ARMC2: variants seen among roughly 807,000 people sequenced by gnomAD.
The protein encoded by ARMC2 is armadillo repeat containing 2.
Under a neutral mutation model 90.3 loss-of-function variants are expected in ARMC2, and 67 were observed. The observed-to-expected ratio is 0.74, with a 90% confidence interval of 0.61 to 0.91. The LOEUF (loss-of-function observed/expected upper bound fraction) is 0.91. ARMC2 is among the 40% of genes least tolerant of loss of function. The pLI, the probability that ARMC2 is intolerant of heterozygous loss-of-function variation, is 0.00. For missense variants in ARMC2, 920 were observed against 1,030.9 expected (o/e 0.89, Z 1.47); for synonymous variants, 393 against 393.0 (o/e 1.00, Z 0.00).
Position 108,965,822 on chromosome 6 carries a change from A to T in ARMC2, c.2446+682A>T, listed in dbSNP as rs531649592. On this transcript the variant is annotated intron_variant, in intron 17 of 17. Transcript: ENST00000392644. ...ACCATGCCCAGATAATTAAAAAAAAATTTTTTTTTTTGTAGCGATGAGGTC... is the reference window on the plus strand; with the variant it reads ...ACCATGCCCAGATAATTAAAAAAAATTTTTTTTTTTTGTAGCGATGAGGTC... Among the ~76,000 whole-genome samples the T allele has an allele frequency of 3.7e-4, 54 of 145,872 alleles. No individual in the cohort carries two copies. In the South Asian group the frequency reaches 6.4e-3, roughly 17 times the overall value.
chr6:109,051,714 A>G, the ARMC2 span, among the ~76,000 whole-genome samples: 1 of 152,180 alleles, frequency 6.6e-6, no homozygotes, highest in Non-Finnish European at 1.5e-5. Context: ...AGACTGGGTA[A>G]TTTATTTAAA....
At chr6:108,918,164 G>T (rs913136860) in intron 10 of ARMC2, among the ~76,000 whole-genome samples, 1 of 152,148 alleles carries the variant, frequency 6.6e-6, no homozygotes, top group Non-Finnish European at 1.5e-5. Context: ...TAGAGAAAGA[G>T]CAGAGGGACT....
chr6:108,954,785 T>C (rs1418746854), intron 13 of ARMC2, among the ~76,000 whole-genome samples: 1 of 152,238 alleles, frequency 6.6e-6, no homozygotes, highest in Non-Finnish European at 1.5e-5. Flanking sequence ...CCTAAGCTCT[T>C]TCTGGGTAAC....
intron 13 of ARMC2, among the ~76,000 whole-genome samples, chr6:108,957,551 ACTC>A (rs1201513395): frequency 6.0e-5 from 9 of 150,108 alleles, no homozygotes; most frequent in African/African-American, 2.2e-4. Context: ...AGAGCTGAGC[ACTC>A]CTCCCAGCCT....
chr6:109,025,964 A>G, the ARMC2 span, among the ~76,000 whole-genome samples: 1 of 150,046 alleles, frequency 6.7e-6, no homozygotes, highest in East Asian at 1.9e-4. Context: ...TTTTTTTTTC[A>G]GGAAGCACAA....
chr6:108,984,252 T>TGTAA, the ARMC2 span, among the ~76,000 whole-genome samples: 1 of 152,234 alleles, frequency 6.6e-6, no homozygotes, highest in African/African-American at 2.4e-5. Flanking sequence ...GTTTTCAATG[T>TGTAA]GTAAGTCTTT....
chr6:108,979,254 C>T (rs1331672582), downstream of ARMC2, among the ~76,000 whole-genome samples: 2 of 152,210 alleles, frequency 1.3e-5, no homozygotes, highest in Non-Finnish European at 2.9e-5. Flanking sequence ...ACCTATGAAG[C>T]TCAGTGTGGC....
the ARMC2 span, among the ~76,000 whole-genome samples, chr6:109,025,888 A>C: frequency 1.1e-4 from 16 of 152,088 alleles, no homozygotes; most frequent in African/African-American, 3.4e-4. Flanking sequence ...GAATAGGACA[A>C]AGGTAATATT....
intron 4 of ARMC2, among the ~76,000 whole-genome samples, chr6:108,870,639 G>A (rs1776307556): frequency 6.6e-6 from 1 of 151,796 alleles, no homozygotes; most frequent in South Asian, 2.1e-4. Flanking sequence ...AGGAAGGAAG[G>A]AAGAAAAGAG....
chr6:108,866,016 TAAAA>T (rs910550188), intron 3 of ARMC2, among the ~76,000 whole-genome samples: 6 of 118,638 alleles, frequency 5.1e-5, no homozygotes, highest in Admixed American at 1.8e-4. Context: ...GACCCTGTCT[TAAAA>T]AAAAAAAAAA....
At chr6:109,046,364 C>T in the ARMC2 span, among the ~76,000 whole-genome samples, 4 of 151,860 alleles carry the variant, frequency 2.6e-5, no homozygotes, top group South Asian at 4.2e-4. Flanking sequence ...GGATTGCAGA[C>T]GGAGTCTCGT....
rs529158461 is a variant in ARMC2 at position 108,923,880 on chromosome 6, CTT to C, written c.1351-4205_1351-4204del. Among the ~76,000 whole-genome samples, 19 of 152,284 alleles carry C rather than the reference CTT, an allele frequency of 1.2e-4. No individual in the cohort carries two copies. In the South Asian group the frequency reaches 3.7e-3, roughly 30 times the overall value. ...AGGTGTCTTAAAGGGAAAAACCTCT[CTT>C]TTGTCGCTCCTGTCCCTTCTTTCTT... On this transcript the variant is annotated intron_variant, in intron 10 of 17. Transcript: ENST00000392644.
intron 10 of ARMC2, among the ~76,000 whole-genome samples, chr6:108,912,980 G>A (rs1773590391): frequency 6.6e-6 from 1 of 152,208 alleles, no homozygotes; most frequent in South Asian, 2.1e-4. Flanking sequence ...ACGGGATTGA[G>A]TGGACAGTCA....
chr6:108,979,472 G>C (rs1779043689), downstream of ARMC2, among the ~76,000 whole-genome samples: 1 of 151,998 alleles, frequency 6.6e-6, no homozygotes, highest in African/African-American at 2.4e-5. Flanking sequence ...TATGTGTCTT[G>C]GGGTTGCTCT....
intron 5 of ARMC2, 66 bp downstream of exon 5, chr6:108,876,416 T>C: frequency 6.8e-7 from 1 of 1,476,554 alleles, no homozygotes; most frequent in South Asian, 1.3e-5. Context: ...TTCTTCTCTA[T>C]TTTATATAGA....
chr6:109,042,710 G>T, the ARMC2 span, among the ~76,000 whole-genome samples: 5 of 152,014 alleles, frequency 3.3e-5, no homozygotes, highest in East Asian at 1.9e-4. Context: ...AATTGAATTT[G>T]TGATTTTTAA....
chr6:108,984,443 G>A, the ARMC2 span, among the ~76,000 whole-genome samples: 1 of 152,102 alleles, frequency 6.6e-6, no homozygotes, highest in African/African-American at 2.4e-5. Context: ...ATGGTAGAAG[G>A]GGAGCTCCCC....
intron 6 of ARMC2, among the ~76,000 whole-genome samples, chr6:108,899,069 A>G (rs1428051376): frequency 1.3e-5 from 2 of 152,194 alleles, no homozygotes; most frequent in Admixed American, 6.5e-5. Context: ...TTGAAGGCAA[A>G]TATTCTGTTT....
intron 12 of ARMC2, among the ~76,000 whole-genome samples, chr6:108,937,781 A>G (rs576620616): frequency 3.3e-5 from 5 of 152,060 alleles, no homozygotes; most frequent in Admixed American, 1.3e-4. Context: ...TGCAAGCTCC[A>G]CCTCCTGGGT....
Sources: gnomAD v4.1 joint callset for allele counts (sites outside exome capture counted in the v4.1 genomes callset) on GRCh38, gnomAD v4.1.1 for gene constraint, MANE v1.5 for transcripts, NCBI Gene and HGNC (gene_info 2026-07-23, HGNC 2026-07-21) for gene names.